Variants in NRG3 observed in about 807,000 individuals in gnomAD.
The protein encoded by NRG3 is pro-neuregulin-3, membrane-bound isoform.
A neutral mutation model predicts 66.9 loss-of-function variants in NRG3; 31 were observed. The observed-to-expected ratio is 0.46, with a 90% CI of 0.35 to 0.63. The LOEUF (loss-of-function observed/expected upper bound fraction) is 0.63. Ranked by LOEUF, NRG3 falls within the 20% of genes least tolerant of loss-of-function variation. The probability of loss-of-function intolerance (pLI) is 0.00; values close to 1 mark genes in which losing one functional copy is unlikely to be tolerated. For synonymous variants in NRG3, 393 were observed against 359.4 expected, an observed-to-expected ratio of 1.09 and a Z score of -1.06; for missense variants, 910 against 878.9, an observed-to-expected ratio of 1.04 and a Z score of -0.45.
chr10:81,912,822 A>C (rs1392235750), intron 1 of NRG3, among the ~76,000 whole-genome samples: 1 of 152,196 alleles, frequency 6.6e-6, no homozygotes, highest in African/African-American at 2.4e-5. Flanking sequence ...CACACAGGAA[A>C]CTGGAGAGAC....
At chr10:82,497,106 T>A (rs1417868217) in intron 2 of NRG3, among the ~76,000 whole-genome samples, 4 of 152,146 alleles carry the variant, frequency 2.6e-5, no homozygotes, top group Non-Finnish European at 5.9e-5. Flanking sequence ...TGAGTATATA[T>A]CCTATTCAAA....
intron 1 of NRG3, among the ~76,000 whole-genome samples, chr10:82,094,036 C>T (rs10490935): frequency 0.031 from 4,696 of 152,140 alleles, 134 homozygotes; most frequent in African/African-American, 0.063. Context: ...ATGTAAATTA[C>T]GACACAAATG....
At chr10:82,705,068 A>T (rs996762499) in intron 2 of NRG3, among the ~76,000 whole-genome samples, 1 of 152,212 alleles carries the variant, frequency 6.6e-6, no homozygotes, top group African/African-American at 2.4e-5. Context: ...AAATCCTGAA[A>T]ATGTGTTGCA....
chr10:82,428,095 G>T (rs2089562744), intron 2 of NRG3, among the ~76,000 whole-genome samples: 1 of 151,734 alleles, frequency 6.6e-6, no homozygotes, highest in South Asian at 2.1e-4. Flanking sequence ...CTGTATTCAT[G>T]GTTAGTCTAG....
chr10:82,538,726 AG>A (rs1033019465), intron 2 of NRG3, among the ~76,000 whole-genome samples: 1 of 152,190 alleles, frequency 6.6e-6, no homozygotes. Context: ...TTTTCTCACA[AG>A]GTTCTGCTAA....
chr10:81,992,242 A>G (rs982417736), intron 1 of NRG3, among the ~76,000 whole-genome samples: 1 of 152,162 alleles, frequency 6.6e-6, no homozygotes, highest in Admixed American at 6.6e-5. Context: ...AGAACTCACT[A>G]AAGGATTATA....
chr10:82,198,890 A>G (rs1339177035), intron 1 of NRG3, among the ~76,000 whole-genome samples: 1 of 151,848 alleles, frequency 6.6e-6, no homozygotes, highest in Non-Finnish European at 1.5e-5. Context: ...CCAGCTACTC[A>G]AGAGGTTGAG....
At chr10:82,905,696 G>A (rs1478506934) in intron 4 of NRG3, among the ~76,000 whole-genome samples, 3 of 151,782 alleles carry the variant, frequency 2.0e-5, no homozygotes, top group East Asian at 3.9e-4. Flanking sequence ...GCTAACCCCC[G>A]ACCTCCCATT....
intron 3 of NRG3, among the ~76,000 whole-genome samples, chr10:82,822,368 T>C (rs892886731): frequency 6.6e-6 from 1 of 151,966 alleles, no homozygotes; most frequent in Non-Finnish European, 1.5e-5. Flanking sequence ...AGGGAAAGCC[T>C]CCTGAGCAGC....
At chr10:82,935,912 G>T (rs1381119770) in intron 4 of NRG3, among the ~76,000 whole-genome samples, 3 of 151,884 alleles carry the variant, frequency 2.0e-5, no homozygotes, top group African/African-American at 7.3e-5. Context: ...AGAACATATG[G>T]TATGATTCTA....
chr10:82,810,737 TAAAAA>T (rs750726119), intron 3 of NRG3, among the ~76,000 whole-genome samples: 1 of 70,002 alleles, frequency 1.4e-5, no homozygotes. Context: ...CACTCCAGCC[TAAAAA>T]AAAAAAAAAA....
At chr10:82,809,632 G>T (rs914799317) in intron 3 of NRG3, among the ~76,000 whole-genome samples, 1 of 152,068 alleles carries the variant, frequency 6.6e-6, no homozygotes, top group African/African-American at 2.4e-5. Context: ...ATGTTTGTGA[G>T]ATTTGTCCCT....
chr10:82,408,046 CGAGAGAGA>C lies in NRG3; in HGVS notation c.953+49209_953+49216del, dbSNP rs536927208. Reference sequence around the variant, plus strand: ...CCTGTGTGACAGAGCAAGACTACATCGAGAGAGAGAGAGAGAGAGAGAGAGAGAGAGAG... The same window carrying C: ...CCTGTGTGACAGAGCAAGACTACATCGAGAGAGAGAGAGAGAGAGAGAGAG... On this transcript the variant is annotated intron_variant, in intron 2 of 8. Transcript: ENST00000372141. 1.3e-3 allele frequency among the ~76,000 whole-genome samples: 73 copies of C among 54,410 alleles called. No homozygotes were observed. In the East Asian group the frequency reaches 0.014, roughly 10 times the overall value. The allele number at this position is 54,410 out of a possible 152,430, so 35.7% of individuals were successfully genotyped here. A position where few individuals can be genotyped will look rare whatever the true frequency, so the allele number is the denominator to read the frequency against.
chr10:82,971,801 T>C (rs753750763), intron 6 of NRG3, among the ~76,000 whole-genome samples: 1 of 152,222 alleles, frequency 6.6e-6, no homozygotes, highest in Non-Finnish European at 1.5e-5. Context: ...TATTTATCAC[T>C]TGGTAGATTG....
chr10:81,875,250 G>C lies in NRG3; in HGVS notation c.-91G>C. Reference sequence around the variant, plus strand: ...TGCGCCCGAGCCCGCCGCCGCCGCCGGAGCCCGCGCCCGCGCCCGCGCCCG... The same window carrying C: ...TGCGCCCGAGCCCGCCGCCGCCGCCCGAGCCCGCGCCCGCGCCCGCGCCCG... On this transcript the variant is annotated 5_prime_UTR_variant, in exon 1 of 9. Transcript: ENST00000372141. The surrounding 1 kb of genome is among the most constrained non-coding windows in gnomAD (Gnocchi z 5.3). 8.6e-6 allele frequency: 7 copies of C among 811,936 alleles called. No individual in the cohort carries two copies. The highest frequency in any genetic ancestry group is 1.0e-5 in the Non-Finnish European group (7 of 674,984). 50.3% of individuals were successfully genotyped at this position (811,936 alleles called of 1,614,324 possible).
chr10:82,459,659 G>A (rs1004577180), intron 2 of NRG3, among the ~76,000 whole-genome samples: 8 of 152,052 alleles, frequency 5.3e-5, no homozygotes, highest in Admixed American at 1.3e-4. Flanking sequence ...TGCTCCTCCC[G>A]TCTGAGCCCT....
At chr10:82,318,370 C>A (rs1238205359) in intron 1 of NRG3, among the ~76,000 whole-genome samples, 1 of 152,058 alleles carries the variant, frequency 6.6e-6, no homozygotes, top group Non-Finnish European at 1.5e-5. Context: ...TTCCACATTC[C>A]CTGTGATGTA....
intron 5 of NRG3, among the ~76,000 whole-genome samples, chr10:82,957,265 G>C (rs1850138608): frequency 6.6e-6 from 1 of 151,856 alleles, no homozygotes. Flanking sequence ...AACAAGTTTA[G>C]GAAATTATTA....
Position 82,971,891 on chromosome 10 carries a change from A to G in NRG3, c.1285-1897A>G, listed in dbSNP as rs544343587. Among the ~76,000 whole-genome samples the G allele has an allele frequency of 5.9e-5, 9 of 152,256 alleles. No individual in the cohort carries two copies. In the South Asian group the frequency reaches 1.9e-3, roughly 32 times the overall value. On this transcript the variant is annotated intron_variant, in intron 6 of 8. Transcript: ENST00000372141. ...ACATAATTATATTTTATTTGAAATT[A>G]TTACTGTTAAAAGCTTTTTCACCTG...
Sources: allele counts gnomAD v4.1 joint callset (sites outside exome capture counted in the v4.1 genomes callset), GRCh38; gene constraint gnomAD v4.1.1; non-coding constraint Gnocchi (gnomAD v3.1); transcripts MANE v1.5; gene names NCBI Gene and HGNC (gene_info 2026-07-23, HGNC 2026-07-21).